The following TMEM132D variants were observed in gnomAD, a reference collection of about 807,000 sequenced individuals.
The protein encoded by TMEM132D is transmembrane protein 132D, also known as mature OL transmembrane protein.
A neutral mutation model predicts 62.3 loss-of-function variants in TMEM132D; 21 were observed. The ratio of observed to expected loss-of-function variants is 0.34; its 90% CI spans 0.24 to 0.49. The LOEUF (loss-of-function observed/expected upper bound fraction) is 0.49, where lower values mean the gene tolerates loss of function less well. TMEM132D is among the 20% of genes least tolerant of loss of function. The probability of loss-of-function intolerance (pLI) is 0.99; values close to 1 mark genes in which losing one functional copy is unlikely to be tolerated. For synonymous variants in TMEM132D, 621 were observed against 575.6 expected, an observed-to-expected ratio of 1.08 and a Z score of -1.13; for missense variants, 1,346 against 1,402.8, an observed-to-expected ratio of 0.96 and a Z score of 0.65.
chr12:129,213,314 G>C (rs73418286), intron 4 of TMEM132D, among the ~76,000 whole-genome samples: 1,698 of 152,220 alleles, frequency 0.011, 32 homozygotes, highest in African/African-American at 0.037. Context: ...GCAATACAGT[G>C]AGACCCTGTC....
At chr12:129,253,286 C>A (rs1434364829) in intron 4 of TMEM132D, among the ~76,000 whole-genome samples, 1 of 150,942 alleles carries the variant, frequency 6.6e-6, no homozygotes, top group East Asian at 1.9e-4. Flanking sequence ...TAGAAACTAC[C>A]AGAAAGCCTT....
intron 1 of TMEM132D, among the ~76,000 whole-genome samples, chr12:129,800,009 G>C (rs1365790930): frequency 1.3e-5 from 2 of 152,162 alleles, no homozygotes; most frequent in East Asian, 3.9e-4. Flanking sequence ...CGTGCGTACA[G>C]TCATTTTATG....
chr12:129,642,920 C>CTTT (rs71082742), intron 2 of TMEM132D, among the ~76,000 whole-genome samples: 9,555 of 105,378 alleles, frequency 0.091, 828 homozygotes, highest in Admixed American at 0.15. Flanking sequence ...ATTTACAAAT[C>CTTT]TTTTTTTTTT....
chr12:129,698,455 A>C (rs1172704394), intron 2 of TMEM132D, among the ~76,000 whole-genome samples: 4 of 145,118 alleles, frequency 2.8e-5, no homozygotes, highest in African/African-American at 1.0e-4. Flanking sequence ...TTAAATGTGC[A>C]AGGTAGAATC....
chr12:129,744,370 A>G (rs1869706284), intron 1 of TMEM132D, among the ~76,000 whole-genome samples: 1 of 152,188 alleles, frequency 6.6e-6, no homozygotes, highest in African/African-American at 2.4e-5. Flanking sequence ...CATGTGCCCC[A>G]AAGATTCCTG....
Position 129,700,295 on chromosome 12 carries a change from G to C in TMEM132D, c.483C>G (p.Ala161=), listed in dbSNP as rs147829576. The C allele has an allele frequency of 1.2e-6, 2 of 1,613,604 alleles. No homozygotes were observed. Among genetic ancestry groups the C allele is most frequent in the Non-Finnish European group, 1.7e-6 (2 of 1,179,964 alleles). ...CCCTCAGGCACGGCAGCTTCTCCCC[G>C]GCGCTGCGGTCGTCCCAGTCTCTGC... is the stretch of plus-strand genomic sequence containing the variant. ...IMGRDWDDRS[A]GEKLPCLRVF... is the part of the protein sequence containing the mutation. The change falls in exon 2 of 9, where the codon GCC becomes GCG. Residue 161 remains alanine (A), a synonymous_variant. Coordinates refer to ENST00000422113, the MANE Select transcript of TMEM132D (RefSeq NM_133448.3).
chr12:129,074,104 A>T lies in TMEM132D; in HGVS notation c.3071T>A (p.Ile1024Asn), dbSNP rs567346371. The change falls in exon 9 of 9, where the codon ATC (isoleucine) becomes AAC (asparagine). Residue 1024 changes from isoleucine to asparagine, a missense_variant. Physicochemically the swap from Ile to Asn is moderately radical, Grantham distance 149 (BLOSUM62 -3). Coordinates refer to ENST00000422113, the MANE Select transcript of TMEM132D (RefSeq NM_133448.3). ...GQLFKPLGPI[I>N]IDGKDQKSEP... is the part of the protein sequence containing the mutation. ...ACTTTTCTGATCTTTCCCATCAATG[A>T]TGATGGGTCCCAAAGGTTTGAACAG... 1 of 1,614,060 alleles carries T rather than the reference A, an allele frequency of 6.2e-7. No homozygotes were observed. The highest frequency in any genetic ancestry group is 1.3e-5 in the African/African-American group (1 of 74,982).
intron 3 of TMEM132D, among the ~76,000 whole-genome samples, chr12:129,396,627 G>C (rs1412582003): frequency 6.6e-6 from 1 of 152,190 alleles, no homozygotes; most frequent in Non-Finnish European, 1.5e-5. Context: ...ATGGAGAATA[G>C]ACATGCTTTC....
At chr12:129,247,399 T>G (rs1265665431) in intron 4 of TMEM132D, among the ~76,000 whole-genome samples, 1 of 152,164 alleles carries the variant, frequency 6.6e-6, no homozygotes, top group African/African-American at 2.4e-5. Context: ...GCTTTAGGGA[T>G]TCTCAGCACA....
intron 4 of TMEM132D, among the ~76,000 whole-genome samples, chr12:129,333,804 T>C (rs1869189916): frequency 6.6e-6 from 1 of 152,096 alleles, no homozygotes; most frequent in African/African-American, 2.4e-5. Context: ...GAGCACACTC[T>C]CCCCTTTCCC....
chr12:129,291,134 C>T (rs1881435612), intron 4 of TMEM132D, among the ~76,000 whole-genome samples: 1 of 152,202 alleles, frequency 6.6e-6, no homozygotes, highest in Non-Finnish European at 1.5e-5. Context: ...TTTAAGTTAA[C>T]TATAAACTCC....
intron 3 of TMEM132D, among the ~76,000 whole-genome samples, chr12:129,400,103 A>G (rs1389989793): frequency 6.6e-6 from 1 of 152,124 alleles, no homozygotes; most frequent in Non-Finnish European, 1.5e-5. Context: ...GTATTTTCCA[A>G]GAATAGGTTC....
chr12:129,319,451 G>C (rs1314499473), intron 4 of TMEM132D, among the ~76,000 whole-genome samples: 1 of 152,142 alleles, frequency 6.6e-6, no homozygotes, highest in Non-Finnish European at 1.5e-5. Context: ...CACAGTATTC[G>C]GGGTGTCTCC....
intron 3 of TMEM132D, among the ~76,000 whole-genome samples, chr12:129,406,211 CAAAG>C (rs1465317564): frequency 6.6e-6 from 1 of 152,108 alleles, no homozygotes; most frequent in Non-Finnish European, 1.5e-5. Context: ...GAATGAGACA[CAAAG>C]AAAGTTTTGT....
chr12:129,226,040 C>A (rs147152928), intron 4 of TMEM132D, among the ~76,000 whole-genome samples: 1 of 152,242 alleles, frequency 6.6e-6, no homozygotes, highest in East Asian at 1.9e-4. Context: ...AGTTTCGAGC[C>A]GTAGAAGCTG....
chr12:129,126,350 TTCTC>T (rs570788039), intron 5 of TMEM132D, among the ~76,000 whole-genome samples: 2,909 of 147,334 alleles, frequency 0.02, 41 homozygotes, highest in Non-Finnish European at 0.031. Flanking sequence ...TTGCCTCAGT[TTCTC>T]TCTCTTTTTT....
intron 2 of TMEM132D, among the ~76,000 whole-genome samples, chr12:129,657,493 TAAAC>T (rs747266547): frequency 6.6e-6 from 1 of 152,180 alleles, no homozygotes; most frequent in East Asian, 1.9e-4. Context: ...AAGAAGGAAA[TAAAC>T]AAAGTCTCTA....
chr12:129,256,669 G>A (rs1880408710), intron 4 of TMEM132D, among the ~76,000 whole-genome samples: 1 of 152,102 alleles, frequency 6.6e-6, no homozygotes, highest in African/African-American at 2.4e-5. Flanking sequence ...TGATCCTCTT[G>A]CCTCAGCCTC....
Position 129,101,897 on chromosome 12 carries a change from T to C in TMEM132D, c.1444-17195A>G, listed in dbSNP as rs180844541. Among the ~76,000 whole-genome samples the C allele has an allele frequency of 3.3e-5, 5 of 152,032 alleles. No individual in the cohort carries two copies. In the East Asian group the frequency reaches 9.7e-4, roughly 29 times the overall value. On this transcript the variant is annotated intron_variant, in intron 5 of 8. Transcript: ENST00000422113. ...GATGCAAACAATATTTTTGAAAATA[T>C]AGAGAAACCACCAGTCTTTTGGACT...
Sources: gnomAD v4.1 joint callset for allele counts (sites outside exome capture counted in the v4.1 genomes callset) on GRCh38, gnomAD v4.1.1 for gene constraint, MANE v1.5 for transcripts, NCBI Gene and HGNC (gene_info 2026-07-23, HGNC 2026-07-21) for gene names.